The following BLVRA variants were observed in gnomAD, a reference collection of about 807,000 sequenced individuals.
BLVRA encodes the protein biliverdin reductase A, also known as BVR A.
In BLVRA, 22 loss-of-function variants were observed where a neutral mutation model predicts 32.8. The ratio of observed to expected loss-of-function variants is 0.67; its 90% CI spans 0.48 to 0.96. BLVRA has a LOEUF of 0.96. Among genes scored for constraint, BLVRA ranks in the 40% least tolerant of loss-of-function variants. BLVRA has a pLI of 0.00. For synonymous variants in BLVRA, 119 were observed against 141.3 expected (o/e 0.84, Z 1.12); for missense variants, 323 against 358.1 (o/e 0.90, Z 0.79).
chr7:43,762,212 G>T (rs1412775216), intron 1 of BLVRA, among the ~76,000 whole-genome samples: 2 of 152,052 alleles, frequency 1.3e-5, no homozygotes, highest in African/African-American at 2.4e-5. Flanking sequence ...TTTTGGGCTG[G>T]ATAATTCTTT....
At chr7:43,784,766 C>T (rs559750336) in intron 2 of BLVRA, among the ~76,000 whole-genome samples, 60 of 152,104 alleles carry the variant, frequency 3.9e-4, no homozygotes, top group Non-Finnish European at 6.6e-4. Context: ...ACCACCATAC[C>T]TGGCTAATTT....
intron 5 of BLVRA, 57 bp downstream of exon 5, chr7:43,792,869 G>T: frequency 6.5e-7 from 1 of 1,539,116 alleles, no homozygotes; most frequent in Non-Finnish European, 8.9e-7. Flanking sequence ...TCATCTTTAT[G>T]CCTTTAAAAC....
At position 43,771,143 on chromosome 7, in the gene BLVRA, G is replaced by A. The variant is rs756695464; in HGVS notation, c.-16G>A. 12 of 1,613,924 alleles carry A rather than the reference G, an allele frequency of 7.4e-6. No individual in the cohort carries two copies. Among genetic ancestry groups the A allele is most frequent in the East Asian group, 6.7e-5 (3 of 44,900 alleles). On this transcript the variant is annotated 5_prime_UTR_variant, in exon 2 of 8. Transcript: ENST00000265523. Reference sequence around the variant, plus strand: ...CTCTGCTTTTGTCTTTACAGTGACCGAAGGAAGAGACCAAGATGAATGCAG... The same window carrying A: ...CTCTGCTTTTGTCTTTACAGTGACCAAAGGAAGAGACCAAGATGAATGCAG...
chr7:43,805,298 T>A (rs1013466434), intron 7 of BLVRA, among the ~76,000 whole-genome samples: 4 of 140,964 alleles, frequency 2.8e-5, no homozygotes, highest in Non-Finnish European at 4.6e-5. Flanking sequence ...TTTTTTTTTT[T>A]ATGAGACAAA....
chr7:43,769,190 G>C (rs1252175252), intron 1 of BLVRA, among the ~76,000 whole-genome samples: 1 of 151,864 alleles, frequency 6.6e-6, no homozygotes, highest in East Asian at 1.9e-4. Context: ...ACAATGCCTG[G>C]CTAATTTTTT....
At chr7:43,760,937 T>C (rs1362869164) in intron 1 of BLVRA, among the ~76,000 whole-genome samples, 1 of 152,070 alleles carries the variant, frequency 6.6e-6, no homozygotes, top group East Asian at 1.9e-4. Flanking sequence ...ACCAGCTAAT[T>C]TTTATACTTT....
chr7:43,772,957 C>T (rs1265098852), intron 2 of BLVRA, among the ~76,000 whole-genome samples: 1 of 152,148 alleles, frequency 6.6e-6, no homozygotes, highest in Non-Finnish European at 1.5e-5. Context: ...TGAAACTGCA[C>T]ACTCCTGCCT....
intron 7 of BLVRA, among the ~76,000 whole-genome samples, chr7:43,804,562 C>G (rs1305784062): frequency 6.6e-6 from 1 of 152,200 alleles, no homozygotes; most frequent in Non-Finnish European, 1.5e-5. Context: ...AAACACCCAT[C>G]CACCTACTCC....
At chr7:43,799,517 GGCT>G (rs1352144853) in intron 5 of BLVRA, among the ~76,000 whole-genome samples, 1 of 151,714 alleles carries the variant, frequency 6.6e-6, no homozygotes, top group Non-Finnish European at 1.5e-5. Flanking sequence ...TTTTGAGATG[GGCT>G]GCAGTGCACT....
intron 1 of BLVRA, among the ~76,000 whole-genome samples, chr7:43,760,537 T>A (rs1051409762): frequency 2.6e-5 from 4 of 152,170 alleles, no homozygotes; most frequent in African/African-American, 7.2e-5. Flanking sequence ...GGTTGGGCCA[T>A]TTGTTTTTTG....
chr7:43,777,854 C>T (rs1233057348), intron 2 of BLVRA, among the ~76,000 whole-genome samples: 1 of 152,144 alleles, frequency 6.6e-6, no homozygotes, highest in Non-Finnish European at 1.5e-5. Flanking sequence ...TTTTATTCTT[C>T]TTTCTCTAAA....
intron 2 of BLVRA, among the ~76,000 whole-genome samples, chr7:43,772,643 G>A (rs2095755913): frequency 6.6e-6 from 1 of 152,236 alleles, no homozygotes; most frequent in South Asian, 2.1e-4. Context: ...CAGCATGGCT[G>A]GGGAGGCCTC....
rs1309403038 is a variant in BLVRA at position 43,792,710 on chromosome 7, C to A, written c.255-5C>A. 1 of 1,613,610 alleles carries A rather than the reference C, an allele frequency of 6.2e-7. No individual in the cohort carries two copies. Among genetic ancestry groups the A allele is most frequent in the South Asian group, 1.1e-5 (1 of 91,026 alleles). On this transcript the variant is annotated splice_polypyrimidine_tract_variant and splice_region_variant and intron_variant, in intron 4 of 7. Transcript: ENST00000265523. ...CTTTCTCTGTATTTGTCTCGTTTAC[C>A]AAAGGCAGTTCCTTAATGCTGGCAA...
intron 1 of BLVRA, among the ~76,000 whole-genome samples, chr7:43,761,103 AC>A (rs2095741748): frequency 1.3e-5 from 2 of 152,164 alleles, no homozygotes. Flanking sequence ...GGAAATAGCT[AC>A]ATTACATGAG....
At chr7:43,792,620 C>T in intron 4 of BLVRA, 95 bp from the exon 5 acceptor site, 1 of 1,217,008 alleles carries the variant, frequency 8.2e-7, no homozygotes, top group South Asian at 1.3e-5. Flanking sequence ...CAGAAACTCT[C>T]ATGCCTTTAT....
chr7:43,803,847 G>T lies in BLVRA; in HGVS notation c.632G>T (p.Ser211Ile). Reference sequence around the variant, plus strand: ...GTGTGTCTGGAGACAGAGAAGAAAAGGTAAGTCATGAGAAGCCATGAGGAG... The same window carrying T: ...GTGTGTCTGGAGACAGAGAAGAAAATGTAAGTCATGAGAAGCCATGAGGAG... ...MTVCLETEKK[S>I]PLSWIEEKGP... Residue 211 changes from serine to isoleucine, a missense_variant and splice_region_variant, in exon 7 of 8, where the codon AGT (serine) becomes ATT (isoleucine). Coordinates refer to ENST00000265523, the MANE Select transcript of BLVRA (RefSeq NM_000712.4). 1 of 1,613,830 alleles carries T rather than the reference G, an allele frequency of 6.2e-7. No homozygotes were observed. The highest frequency in any genetic ancestry group is 8.5e-7 in the Non-Finnish European group (1 of 1,179,892).
At chr7:43,797,241 C>T (rs1022710215) in intron 5 of BLVRA, among the ~76,000 whole-genome samples, 2 of 152,200 alleles carry the variant, frequency 1.3e-5, no homozygotes, top group Non-Finnish European at 2.9e-5. Flanking sequence ...GTGCACACCA[C>T]CACACACAGC....
At chr7:43,797,657 C>T (rs2095794293) in intron 5 of BLVRA, among the ~76,000 whole-genome samples, 1 of 152,164 alleles carries the variant, frequency 6.6e-6, no homozygotes, top group South Asian at 2.1e-4. Context: ...AATCCTCAAA[C>T]CTCATTCAAA....
Position 43,807,204 on chromosome 7 carries a change from A to C in BLVRA, c.860A>C (p.Glu287Ala). The change falls in exon 8 of 8, where the codon GAA becomes GCA. Residue 287 changes from glutamate to alanine, a missense_variant. Coordinates refer to ENST00000265523, the MANE Select transcript of BLVRA (RefSeq NM_000712.4). ...CTGCACTGCCTGGGGCTTGCAGAAG[A>C]AATCCAGAAATATTGCTGTTCAAGG... is the stretch of plus-strand genomic sequence containing the variant. ...RILHCLGLAE[E>A]IQKYCCSRK The C allele has an allele frequency of 6.2e-7, 1 of 1,609,462 alleles. No individual in the cohort carries two copies. Among genetic ancestry groups the C allele is most frequent in the Non-Finnish European group, 8.5e-7 (1 of 1,180,006 alleles).
Sources: gnomAD v4.1 joint callset for allele counts (sites outside exome capture counted in the v4.1 genomes callset) on GRCh38, gnomAD v4.1.1 for gene constraint, MANE v1.5 for transcripts, NCBI Gene and HGNC (gene_info 2026-07-23, HGNC 2026-07-21) for gene names.